The following LHFPL6 variants were observed in gnomAD, a reference collection of about 807,000 sequenced individuals.
LHFPL6 encodes LHFPL tetraspan subfamily member 6 protein.
In LHFPL6, 9 loss-of-function variants were observed where a neutral mutation model predicts 20.6. That is an observed-to-expected ratio of 0.44 (90% CI 0.26 to 0.76). The LOEUF (loss-of-function observed/expected upper bound fraction) is 0.76. Among genes scored for constraint, LHFPL6 ranks in the 30% least tolerant of loss-of-function variants. The probability of loss-of-function intolerance (pLI) is 0.20; values close to 1 mark genes in which losing one functional copy is unlikely to be tolerated. For missense variants in LHFPL6, 218 were observed against 253.5 expected (o/e 0.86, Z 0.95); for synonymous variants, 105 against 98.7 (o/e 1.06, Z -0.38).
At chr13:39,578,172 G>A (rs1872175195) in intron 2 of LHFPL6, among the ~76,000 whole-genome samples, 1 of 152,012 alleles carries the variant, frequency 6.6e-6, no homozygotes, top group Admixed American at 6.6e-5. Context: ...TCCTTTCCAG[G>A]AAAAGAGCAA....
At chr13:39,364,295 C>CAGGAACAAA (rs1869956334) in intron 3 of LHFPL6, among the ~76,000 whole-genome samples, 1 of 152,110 alleles carries the variant, frequency 6.6e-6, no homozygotes, top group East Asian at 1.9e-4. Context: ...CTGCACTTCC[C>CAGGAACAAA]CTCTTATCTA....
intron 3 of LHFPL6, among the ~76,000 whole-genome samples, chr13:39,368,187 CG>C (rs2138350914): frequency 6.6e-6 from 1 of 151,398 alleles, no homozygotes; most frequent in East Asian, 1.9e-4. Context: ...AAAAATTAGC[CG>C]GGCATTGTTG....
intron 2 of LHFPL6, among the ~76,000 whole-genome samples, chr13:39,511,002 A>C (rs1477898573): frequency 6.6e-6 from 1 of 152,038 alleles, no homozygotes; most frequent in Non-Finnish European, 1.5e-5. Context: ...CTTCCCGAGT[A>C]GGTGAAATTA....
At chr13:39,567,860 T>C (rs1242825701) in intron 2 of LHFPL6, among the ~76,000 whole-genome samples, 13 of 152,226 alleles carry the variant, frequency 8.5e-5, no homozygotes, top group African/African-American at 2.9e-4. Context: ...CTACTGCTGC[T>C]TTCCCACCCC....
At chr13:39,358,925 C>T (rs1017440634) in intron 3 of LHFPL6, among the ~76,000 whole-genome samples, 1 of 152,190 alleles carries the variant, frequency 6.6e-6, no homozygotes, top group Non-Finnish European at 1.5e-5. Flanking sequence ...GTAATCCTAG[C>T]ACTTTGGGAG....
intron 3 of LHFPL6, among the ~76,000 whole-genome samples, chr13:39,373,571 G>T (rs188050691): frequency 1.3e-4 from 20 of 152,322 alleles, no homozygotes; most frequent in African/African-American, 4.8e-4. Context: ...GGATGGGGCT[G>T]CTCAGTGCAG....
intron 2 of LHFPL6, among the ~76,000 whole-genome samples, chr13:39,502,753 T>G (rs1302584359): frequency 2.0e-5 from 3 of 152,226 alleles, no homozygotes; most frequent in Non-Finnish European, 4.4e-5. Context: ...AAAGACCATT[T>G]GTGGAACTCC....
At chr13:39,421,541 G>T (rs889089006) in intron 2 of LHFPL6, among the ~76,000 whole-genome samples, 2 of 152,146 alleles carry the variant, frequency 1.3e-5, no homozygotes, top group African/African-American at 2.4e-5. Flanking sequence ...GGTTTACAAG[G>T]TATGAAATCA....
Position 39,441,957 on chromosome 13 carries a change from G to A in LHFPL6, c.386-63431C>T, listed in dbSNP as rs560803721. On this transcript the variant is annotated intron_variant, in intron 2 of 3. Coordinates refer to ENST00000379589, the MANE Select transcript of LHFPL6 (RefSeq NM_005780.3). ...CGATTCTCCTGCCTCAGCCTCCCAA[G>A]TAGCTGGGATTACAGGCATGCACCA... Among the ~76,000 whole-genome samples, 17 of 150,546 alleles carry A rather than the reference G, an allele frequency of 1.1e-4. No individual in the cohort carries two copies. The East Asian group carries it at 3.3e-3, about 30-fold the overall frequency.
chr13:39,573,294 T>C (rs537374287), intron 2 of LHFPL6, among the ~76,000 whole-genome samples: 5 of 152,270 alleles, frequency 3.3e-5, no homozygotes, highest in African/African-American at 9.6e-5. Flanking sequence ...CTGAAATAGA[T>C]TTTACAATTT....
rs147955296 is a variant in LHFPL6, at chr13:39,422,602, A to AAAGAAG, written c.386-44082_386-44077dup. 3.9e-3 allele frequency among the ~76,000 whole-genome samples: 443 copies of AAAGAAG among 114,272 alleles called. 17 individuals carry two copies. The highest frequency in any genetic ancestry group is 4.4e-3 in the Non-Finnish European group (240 of 54,114). 75.0% of individuals were successfully genotyped at this position (114,272 alleles called of 152,430 possible). A position where few individuals can be genotyped will look rare whatever the true frequency, so the allele number is the denominator to read the frequency against. On this transcript the variant is annotated intron_variant, in intron 2 of 3. Coordinates refer to ENST00000379589, the MANE Select transcript of LHFPL6 (RefSeq NM_005780.3). ...ACTCCAACTCAAAAAAAAAAAAAAAAAAGAAGAAGAAGAAGAAGAAAACAC... is the reference window on the plus strand; with the variant it reads ...ACTCCAACTCAAAAAAAAAAAAAAAAAAGAAGAAGAAGAAGAAGAAGAAGAAAACAC...
chr13:39,504,677 G>A (rs1869411621), intron 2 of LHFPL6, among the ~76,000 whole-genome samples: 1 of 152,124 alleles, frequency 6.6e-6, no homozygotes, highest in South Asian at 2.1e-4. Flanking sequence ...CCTCTCTAAT[G>A]ACTTCATTTT....
intron 2 of LHFPL6, 97 bp downstream of exon 2, chr13:39,600,735 G>T: frequency 8.1e-7 from 1 of 1,236,412 alleles, no homozygotes; most frequent in Non-Finnish European, 1.1e-6. Flanking sequence ...ATGCATTCCA[G>T]GTGTCATTTA....
At chr13:39,422,541 G>C (rs1347040380) in intron 2 of LHFPL6, among the ~76,000 whole-genome samples, 2 of 149,308 alleles carry the variant, frequency 1.3e-5, no homozygotes, top group East Asian at 3.9e-4. Flanking sequence ...AGCTGAGATG[G>C]TGCCATTGCA....
At chr13:39,426,001 T>TA (rs1566108467) in intron 2 of LHFPL6, among the ~76,000 whole-genome samples, 2 of 152,062 alleles carry the variant, frequency 1.3e-5, no homozygotes, top group African/African-American at 4.8e-5. Context: ...AAGATGGTGG[T>TA]AAAAAATATA....
At chr13:39,456,973 T>A (rs1181821237) in intron 2 of LHFPL6, among the ~76,000 whole-genome samples, 2 of 152,092 alleles carry the variant, frequency 1.3e-5, no homozygotes, top group Non-Finnish European at 2.9e-5. Flanking sequence ...ATTTTTTTTG[T>A]ATTTTTAGTA....
At chr13:39,465,914 A>C (rs1046804678) in intron 2 of LHFPL6, among the ~76,000 whole-genome samples, 2 of 151,968 alleles carry the variant, frequency 1.3e-5, no homozygotes, top group Non-Finnish European at 2.9e-5. Context: ...TCCTTGCACC[A>C]CTCAGAAGAC....
At chr13:39,478,615 T>A (rs1868391286) in intron 2 of LHFPL6, among the ~76,000 whole-genome samples, 1 of 152,108 alleles carries the variant, frequency 6.6e-6, no homozygotes, top group African/African-American at 2.4e-5. Flanking sequence ...TTTGAATCAG[T>A]CAACTCAGTA....
At chr13:39,473,910 A>C (rs755276585) in intron 2 of LHFPL6, among the ~76,000 whole-genome samples, 3 of 152,248 alleles carry the variant, frequency 2.0e-5, no homozygotes, top group African/African-American at 7.2e-5. Context: ...CTCTAGAGAA[A>C]CAAAAAGAGA....
Sources: allele counts gnomAD v4.1 joint callset (sites outside exome capture counted in the v4.1 genomes callset), GRCh38; gene constraint gnomAD v4.1.1; transcripts MANE v1.5; gene names NCBI Gene and HGNC (gene_info 2026-07-23, HGNC 2026-07-21).